SHANK1: variants seen among roughly 807,000 people sequenced by gnomAD.
SHANK1 encodes SH3 and multiple ankyrin repeat domains protein 1.
Under a neutral mutation model 165.6 loss-of-function variants are expected in SHANK1, and 35 were observed. The observed-to-expected ratio is 0.21, with a 90% CI of 0.16 to 0.28. The LOEUF is 0.28. SHANK1 is among the 10% of genes least tolerant of loss of function. The pLI is 1.00. For synonymous variants in SHANK1, 1,428 were observed against 1,384.8 expected (o/e 1.03, Z -0.69); for missense variants, 2,681 against 3,036.4 (o/e 0.88, Z 2.75).
At chr19:50,675,741 C>G (rs1156613943) in intron 21 of SHANK1, among the ~76,000 whole-genome samples, 3 of 152,092 alleles carry the variant, frequency 2.0e-5, no homozygotes, top group African/African-American at 7.2e-5. Flanking sequence ...GTGGCTCACA[C>G]CTTTAATCCC....
intron 21 of SHANK1, among the ~76,000 whole-genome samples, chr19:50,673,649 G>A (rs148696346): frequency 1.4e-3 from 209 of 152,228 alleles, no homozygotes; most frequent in African/African-American, 4.7e-3. Flanking sequence ...TGAAGGCGGG[G>A]CTGATGTATC....
Position 50,662,488 on chromosome 19 carries a change from A to T in SHANK1, c.5963T>A (p.Phe1988Tyr). ...GCGGAGCAGAGGGGGCCGCATCTCG[A>T]ACTCCACGCCCTGGAGGTGGCGGGT... is the stretch of plus-strand genomic sequence containing the variant. ...TSTRHLQGVEFEMRPPLLRRA... is the reference protein window; with the variant it reads ...TSTRHLQGVEYEMRPPLLRRA... Residue 1988 changes from phenylalanine to tyrosine, a missense_variant, in exon 24 of 24, where the codon TTC becomes TAC. Phe to Tyr is a conservative substitution (Grantham distance 22, BLOSUM62 3). Around this residue, in one of 10 missense-constraint regions of SHANK1, gnomAD observed 1,713 missense variants for 1,630.2 expected, o/e 1.05. Transcript: ENST00000293441. This position sits in a 1 kb window ranked among gnomAD's most constrained non-coding sequence, Gnocchi z 7.7. 1 of 1,556,408 alleles carries T rather than the reference A, an allele frequency of 6.4e-7. No individual in the cohort carries two copies. The highest frequency in any genetic ancestry group is 8.7e-7 in the Non-Finnish European group (1 of 1,150,436).
Position 50,704,052 on chromosome 19 carries a change from C to G in SHANK1, c.1222+68G>C, listed in dbSNP as rs978635041. The G allele has an allele frequency of 3.7e-5, 56 of 1,512,162 alleles. 1 individual carries two copies. In the South Asian group the frequency reaches 6.2e-4, roughly 17 times the overall value. 93.7% of individuals were successfully genotyped at this position (1,512,162 alleles called of 1,614,324 possible). On this transcript the variant is annotated intron_variant, in intron 10 of 23. Coordinates refer to ENST00000293441, the MANE Select transcript of SHANK1 (RefSeq NM_016148.5). ...GGCCCCCAAGTCAGGTCCCCCAACT[C>G]CCCCATCCCACCATGAAACCTCAAC...
In SHANK1 at chr19:50,686,392, T is replaced by C; in HGVS notation, c.2459-37A>G. The C allele has an allele frequency of 2.8e-6, 4 of 1,423,320 alleles. No homozygotes were observed. The highest frequency in any genetic ancestry group is 3.9e-6 in the Non-Finnish European group (4 of 1,035,950). The allele number at this position is 1,423,320 out of a possible 1,614,324, so 88.2% of individuals were successfully genotyped here. A position where few individuals can be genotyped will look rare whatever the true frequency, so the allele number is the denominator to read the frequency against. ...TGAATGAACAGAGGTGGGAAGACAA[T>C]GAAATGAAGTTTGCTTTGACCCGGG... On this transcript the variant is annotated intron_variant, in intron 20 of 23. Coordinates refer to ENST00000293441, the MANE Select transcript of SHANK1 (RefSeq NM_016148.5). The surrounding 1 kb of genome is among the most constrained non-coding windows in gnomAD (Gnocchi z 5.7).
chr19:50,689,108 G>A (rs1457699623), intron 16 of SHANK1, 89 bp downstream of exon 16: 2 of 1,219,822 alleles, frequency 1.6e-6, no homozygotes, highest in East Asian at 2.3e-5. Context: ...GGGCGGGCTG[G>A]GGTCCCTTCC....
chr19:50,698,019 C>T, intron 12 of SHANK1, 63 bp from the exon 13 acceptor site: 1 of 1,160,984 alleles, frequency 8.6e-7, no homozygotes, highest in Non-Finnish European at 1.3e-6. Flanking sequence ...CAACTGCCAA[C>T]ACACTCAACT....
intron 12 of SHANK1, among the ~76,000 whole-genome samples, chr19:50,699,913 G>A (rs1986856285): frequency 2.1e-5 from 3 of 141,628 alleles, no homozygotes; most frequent in Non-Finnish European, 3.1e-5. Flanking sequence ...AGGATTGGAG[G>A]GCTCGGGGCA....
At chr19:50,683,127 C>T (rs1033418774) in intron 21 of SHANK1, among the ~76,000 whole-genome samples, 11 of 152,284 alleles carry the variant, frequency 7.2e-5, no homozygotes, top group East Asian at 1.9e-4. Context: ...CCCCTGCGCC[C>T]GGCCCTGAAA....
At chr19:50,703,432 G>T in intron 11 of SHANK1, 68 bp downstream of exon 11, 1 of 1,373,824 alleles carries the variant, frequency 7.3e-7, no homozygotes, top group South Asian at 1.3e-5. Flanking sequence ...GGCCTCGGGG[G>T]AAGCCGCCGA....
chr19:50,713,764 C>T lies in SHANK1; in HGVS notation c.792+34G>A, dbSNP rs1201632700. The T allele has an allele frequency of 1.2e-6, 2 of 1,609,538 alleles. No homozygotes were observed. The highest frequency in any genetic ancestry group is 4.5e-5 in the East Asian group (2 of 44,800). ...AACAAAGGGAAAAGGAGAGAGGGCC[C>T]CATGGCGGGGATGGGGGGTCCCCGA... On this transcript the variant is annotated intron_variant, in intron 6 of 23. Coordinates refer to ENST00000293441, the MANE Select transcript of SHANK1 (RefSeq NM_016148.5). The surrounding 1 kb of genome is among the most constrained non-coding windows in gnomAD (Gnocchi z 6.2).
chr19:50,687,678 G>A lies in SHANK1; in HGVS notation c.2309-16C>T. 6.8e-7 allele frequency: 1 copy of A among 1,474,898 alleles called. No homozygotes were observed. The highest frequency in any genetic ancestry group is 9.0e-7 in the Non-Finnish European group (1 of 1,111,148). The allele number at this position is 1,474,898 out of a possible 1,614,324, so 91.4% of individuals were successfully genotyped here. A position where few individuals can be genotyped will look rare whatever the true frequency, so the allele number is the denominator to read the frequency against. ...TGCTGGGGTGCTGAAAAGGTGATGAGGGGAGGCATCAGTATCATGGGGGAG... is the reference window on the plus strand; with the variant it reads ...TGCTGGGGTGCTGAAAAGGTGATGAAGGGAGGCATCAGTATCATGGGGGAG... On this transcript the variant is annotated splice_polypyrimidine_tract_variant and intron_variant, in intron 18 of 23. Coordinates refer to ENST00000293441, the MANE Select transcript of SHANK1 (RefSeq NM_016148.5).
chr19:50,689,499 T>A, intron 15 of SHANK1: 1 of 672,808 alleles, frequency 1.5e-6, no homozygotes, highest in Non-Finnish European at 2.7e-6. Flanking sequence ...ACTCCCTCTC[T>A]CCTCATTCAT....
Position 50,686,737 on chromosome 19 carries a change from G to A in SHANK1, c.2458+7C>T, listed in dbSNP as rs1400979153. 10 of 1,613,258 alleles carry A rather than the reference G, an allele frequency of 6.2e-6. No homozygotes were observed. Among genetic ancestry groups the A allele is most frequent in the Middle Eastern group, 1.6e-4 (1 of 6,076 alleles). On this transcript the variant is annotated splice_region_variant and intron_variant, in intron 20 of 23. Transcript: ENST00000293441. The surrounding 1 kb of genome is among the most constrained non-coding windows in gnomAD (Gnocchi z 5.7). ...GCATCCCGAGGAGCAGGGCTGGGCC[G>A]TCTTACTGAGAGCCATCTGATACAC...
chr19:50,667,609 T>G lies in SHANK1; in HGVS notation c.4351A>C (p.Thr1451Pro). The G allele has an allele frequency of 7.0e-7, 1 of 1,425,370 alleles. No individual in the cohort carries two copies. The highest frequency in any genetic ancestry group is 1.5e-5 in the South Asian group (1 of 65,496). The allele number at this position is 1,425,370 out of a possible 1,614,324, so 88.3% of individuals were successfully genotyped here. The change falls in exon 23 of 24, where the codon ACC becomes CCC. Residue 1451 changes from threonine to proline, a missense_variant. Transcript: ENST00000293441. The surrounding 1 kb of genome is among the most constrained non-coding windows in gnomAD (Gnocchi z 5.7). ...RRSLLHRLPPTAPGVGPLLLQ... is the reference protein window; with the variant it reads ...RRSLLHRLPPPAPGVGPLLLQ... ...AGGAGGGGCCCCACCCCGGGAGCGG[T>G]GGGCGGCAGGCGGTGTAGCAGGGAA...
In SHANK1 at chr19:50,716,198, G is replaced by GT; in HGVS notation, c.459+76dup. The GT allele has an allele frequency of 7.1e-7, 1 of 1,401,860 alleles. No individual in the cohort carries two copies. The highest frequency in any genetic ancestry group is 1.2e-5 in the South Asian group (1 of 83,472). 86.8% of individuals were successfully genotyped at this position (1,401,860 alleles called of 1,614,324 possible). A position where few individuals can be genotyped will look rare whatever the true frequency, so the allele number is the denominator to read the frequency against. On this transcript the variant is annotated intron_variant, in intron 3 of 23. Transcript: ENST00000293441. This position sits in a 1 kb window ranked among gnomAD's most constrained non-coding sequence, Gnocchi z 8.4. ...GCCCCCTCGTTAAGGTTTCGAGTGT[G>GT]TTAAAAAGTGGGTGGGGGGCAGATG...
rs778200819 is a variant in SHANK1, at chr19:50,702,643, C to A, written c.1571G>T (p.Arg524Leu). 4 of 1,550,468 alleles carry A rather than the reference C, an allele frequency of 2.6e-6. No homozygotes were observed. Among genetic ancestry groups the A allele is most frequent in the African/African-American group, 1.4e-5 (1 of 73,228 alleles). Residue 524 changes from arginine to leucine, a missense_variant, in exon 12 of 24, where the codon CGG becomes CTG. Around this residue, in one of 10 missense-constraint regions of SHANK1, gnomAD observed 195 missense variants for 186.2 expected, o/e 1.05. Transcript: ENST00000293441. The surrounding 1 kb of genome is among the most constrained non-coding windows in gnomAD (Gnocchi z 5.3). ...RGRPSSSGTP[R>L]EGPAGGTGGS... Reference sequence around the variant, plus strand: ...CCCCGTGCCCCCGGCTGGCCCTTCCCGGGGTGTCCCGCTGGAGCTGCGTAC... The same window carrying A: ...CCCCGTGCCCCCGGCTGGCCCTTCCAGGGGTGTCCCGCTGGAGCTGCGTAC...
chr19:50,673,853 G>A (rs939800619), intron 21 of SHANK1, among the ~76,000 whole-genome samples: 4 of 151,214 alleles, frequency 2.6e-5, no homozygotes, highest in African/African-American at 7.3e-5. Flanking sequence ...GAGTGCAGTG[G>A]CGTTAACACG....
rs2123052493 is a variant in SHANK1 at position 50,660,602 on chromosome 19, AAG to A, written c.*1361_*1362del. Among the ~76,000 whole-genome samples, 1 of 151,806 alleles carries A rather than the reference AAG, an allele frequency of 6.6e-6. No homozygotes were observed. Among genetic ancestry groups the A allele is most frequent in the Admixed American group, 6.6e-5 (1 of 15,234 alleles). On this transcript the variant is annotated 3_prime_UTR_variant, in exon 24 of 24. Coordinates refer to ENST00000293441, the MANE Select transcript of SHANK1 (RefSeq NM_016148.5). ...GGAATGAGATGAGTGTGCAAAAGGA[AAG>A]AAGTGGTAGAGCTCTCATCCAGGTA...
chr19:50,676,333 G>A (rs1370745726), intron 21 of SHANK1, among the ~76,000 whole-genome samples: 1 of 152,096 alleles, frequency 6.6e-6, no homozygotes, highest in East Asian at 1.9e-4. Flanking sequence ...GTCAAGGAAG[G>A]CCTCACTGAG....
Sources: allele counts gnomAD v4.1 joint callset (sites outside exome capture counted in the v4.1 genomes callset), GRCh38; gene constraint gnomAD v4.1.1; regional missense constraint gnomAD v4.1.1; non-coding constraint Gnocchi (gnomAD v3.1); transcripts MANE v1.5; gene names NCBI Gene and HGNC (gene_info 2026-07-23, HGNC 2026-07-21).